Variants in NRG3 observed in about 807,000 individuals in gnomAD.
NRG3 encodes neuregulin 3.
In NRG3, 31 loss-of-function variants were observed where a neutral mutation model predicts 66.9. That is an observed-to-expected ratio of 0.46 (90% confidence interval 0.35 to 0.63). NRG3 has a LOEUF of 0.63. Among genes scored for constraint, NRG3 ranks in the 20% least tolerant of loss-of-function variants. The pLI, the probability that NRG3 is intolerant of heterozygous loss-of-function variation, is 0.00. For synonymous variants in NRG3, 393 were observed against 359.4 expected (o/e 1.09, Z -1.06); for missense variants, 910 against 878.9 (o/e 1.04, Z -0.45).
chr10:82,243,432 A>G (rs2077089651), intron 1 of NRG3, among the ~76,000 whole-genome samples: 2 of 152,158 alleles, frequency 1.3e-5, no homozygotes, highest in South Asian at 4.1e-4. Context: ...GCCCCACCAC[A>G]ATTTAAAATT....
At chr10:82,858,562 A>G (rs2063935826) in intron 3 of NRG3, among the ~76,000 whole-genome samples, 1 of 152,214 alleles carries the variant, frequency 6.6e-6, no homozygotes, top group African/African-American at 2.4e-5. Flanking sequence ...TGCCTTCCTC[A>G]CAAAACCTAT....
intron 1 of NRG3, among the ~76,000 whole-genome samples, chr10:81,987,772 A>G (rs1168194343): frequency 6.6e-6 from 1 of 152,200 alleles, no homozygotes; most frequent in Non-Finnish European, 1.5e-5. Context: ...TTTATCTTAG[A>G]GCTTTGATAT....
intron 2 of NRG3, among the ~76,000 whole-genome samples, chr10:82,488,887 C>T (rs938818670): frequency 4.6e-5 from 7 of 152,222 alleles, no homozygotes; most frequent in African/African-American, 1.7e-4. Context: ...ATTAAACCTT[C>T]TATCACATTA....
rs116263474 is a variant in NRG3, at chr10:82,861,388, T to C, written c.1028-4023T>C. Reference sequence around the variant, plus strand: ...TAATAATTGGATAACTTTTCTGTTATGTTAAAAGAGGACAGTTTTTCTTTC... The same window carrying C: ...TAATAATTGGATAACTTTTCTGTTACGTTAAAAGAGGACAGTTTTTCTTTC... On this transcript the variant is annotated intron_variant, in intron 3 of 8. Coordinates refer to ENST00000372141, the MANE Select transcript of NRG3 (RefSeq NM_001010848.4). Among the ~76,000 whole-genome samples the C allele has an allele frequency of 1.2e-3, 188 of 152,346 alleles. 1 individual carries two copies. The highest frequency in any genetic ancestry group is 4.2e-3 in the African/African-American group (176 of 41,576).
intron 2 of NRG3, among the ~76,000 whole-genome samples, chr10:82,385,483 A>C (rs1309513405): frequency 6.6e-6 from 1 of 152,196 alleles, no homozygotes; most frequent in African/African-American, 2.4e-5. Context: ...ATAGAATGAT[A>C]TTCACTGGTA....
At chr10:82,385,144 C>T (rs2085894505) in intron 2 of NRG3, among the ~76,000 whole-genome samples, 1 of 152,064 alleles carries the variant, frequency 6.6e-6, no homozygotes, top group Non-Finnish European at 1.5e-5. Context: ...ATGTCCTTTG[C>T]CCACATTTTA....
chr10:82,278,049 G>A (rs1451007386), intron 1 of NRG3, among the ~76,000 whole-genome samples: 2 of 151,996 alleles, frequency 1.3e-5, no homozygotes, highest in African/African-American at 4.8e-5. Flanking sequence ...AGGAGGAGGT[G>A]GAATTCCCTT....
chr10:82,571,007 A>T (rs2045699231), intron 2 of NRG3, among the ~76,000 whole-genome samples: 1 of 151,364 alleles, frequency 6.6e-6, no homozygotes, highest in South Asian at 2.1e-4. Context: ...TCTCTAGTTT[A>T]TGTGTTGTAT....
At chr10:81,979,805 A>G (rs923482200) in intron 1 of NRG3, among the ~76,000 whole-genome samples, 1 of 152,220 alleles carries the variant, frequency 6.6e-6, no homozygotes, top group Non-Finnish European at 1.5e-5. Flanking sequence ...GTTTTACCAG[A>G]TCAGAAGTGA....
intron 1 of NRG3, among the ~76,000 whole-genome samples, chr10:82,297,731 T>C (rs2080154248): frequency 6.6e-6 from 1 of 152,088 alleles, no homozygotes; most frequent in Admixed American, 6.5e-5. Flanking sequence ...TTACATTTTA[T>C]ATATTAAGTA....
chr10:81,991,727 T>C (rs1038336019), intron 1 of NRG3, among the ~76,000 whole-genome samples: 4 of 152,188 alleles, frequency 2.6e-5, no homozygotes, highest in Non-Finnish European at 5.9e-5. Flanking sequence ...TATTTGATGA[T>C]ATTTAATAAT....
intron 2 of NRG3, among the ~76,000 whole-genome samples, chr10:82,389,456 T>C (rs967283560): frequency 6.6e-6 from 1 of 152,200 alleles, no homozygotes; most frequent in African/African-American, 2.4e-5. Flanking sequence ...CTTTATGCAT[T>C]ACTCTCATTT....
intron 1 of NRG3, among the ~76,000 whole-genome samples, chr10:82,017,566 G>A (rs1401166571): frequency 1.3e-5 from 2 of 152,214 alleles, no homozygotes; most frequent in Non-Finnish European, 2.9e-5. Context: ...CAGTGTAAAA[G>A]TGTTCCTATT....
chr10:82,940,547 C>A (rs1010565768), intron 4 of NRG3, among the ~76,000 whole-genome samples: 2 of 152,130 alleles, frequency 1.3e-5, no homozygotes, highest in African/African-American at 4.8e-5. Context: ...TTCAAAGACC[C>A]TTTCTTAGTC....
In NRG3 at chr10:82,605,234, A is replaced by G. The variant is rs547228593; in HGVS notation, c.954-133343A>G. Among the ~76,000 whole-genome samples the G allele has an allele frequency of 1.6e-3, 242 of 152,098 alleles. 2 individuals carry two copies. Among genetic ancestry groups the G allele is most frequent in the African/African-American group, 5.5e-3 (229 of 41,538 alleles). On this transcript the variant is annotated intron_variant, in intron 2 of 8. Transcript: ENST00000372141. ...AGTGTACCTCTAGTAAAAGTTTTTG[A>G]GGTTTTATCATGAAATGGTATGATA...
chr10:82,154,845 T>A (rs974536507), intron 1 of NRG3, among the ~76,000 whole-genome samples: 15 of 151,888 alleles, frequency 9.9e-5, no homozygotes, highest in Non-Finnish European at 1.9e-4. Context: ...ATTTCTTGTT[T>A]GTATAGTTTA....
At chr10:81,930,719 G>A (rs1196776145) in intron 1 of NRG3, among the ~76,000 whole-genome samples, 2 of 152,164 alleles carry the variant, frequency 1.3e-5, no homozygotes, top group Non-Finnish European at 2.9e-5. Flanking sequence ...TGTGGAGAGG[G>A]GAGAAGGTGC....
intron 1 of NRG3, among the ~76,000 whole-genome samples, chr10:82,176,899 A>G (rs1363609479): frequency 2.6e-5 from 4 of 151,288 alleles, no homozygotes; most frequent in Non-Finnish European, 4.4e-5. Flanking sequence ...ACACACACAC[A>G]CACACAAACA....
chr10:82,985,025 C>A, intron 8 of NRG3, 73 bp from the exon 9 acceptor site: 1 of 1,545,548 alleles, frequency 6.5e-7, no homozygotes, highest in Non-Finnish European at 8.8e-7. Flanking sequence ...GTGAAAAGTG[C>A]TTTGTGGATT....
Sources: allele counts gnomAD v4.1 joint callset (sites outside exome capture counted in the v4.1 genomes callset), GRCh38; gene constraint gnomAD v4.1.1; transcripts MANE v1.5; gene names NCBI Gene and HGNC (gene_info 2026-07-23, HGNC 2026-07-21).